Variants in OGN observed in about 807,000 individuals in gnomAD.
OGN encodes the protein osteoglycin.
Under a neutral mutation model 30.8 loss-of-function variants are expected in OGN, and 19 were observed. The observed-to-expected ratio is 0.62, with a 90% CI of 0.43 to 0.90. The LOEUF is 0.90. Ranked by LOEUF, OGN falls within the 40% of genes least tolerant of loss-of-function variation. The pLI is 0.00. For synonymous variants in OGN, 126 were observed against 128.3 expected (o/e 0.98, Z 0.12); for missense variants, 283 against 349.7 (o/e 0.81, Z 1.52).
rs1842392251 is a variant in OGN, at chr9:92,385,738, G to A, written c.779C>T (p.Thr260Ile). 6.2e-7 allele frequency: 1 copy of A among 1,614,062 alleles called. No individual in the cohort carries two copies. Among genetic ancestry groups the A allele is most frequent in the Non-Finnish European group, 8.5e-7 (1 of 1,179,962 alleles). The change falls in exon 7 of 7, where the codon ACC (threonine) becomes ATC (isoleucine). Residue 260 changes from threonine to isoleucine, a missense_variant. Transcript: ENST00000375561. Reference protein sequence around the residue: ...TDDTFCKANDTSYIRDRIEEI... With the variant: ...TDDTFCKANDISYIRDRIEEI... ...TTCAATGCGGTCCCGGATGTAACTG[G>A]TGTCATTAGCCTTGCAGAATGTGTC...
At chr9:92,394,731 A>G (rs1842825538) in intron 3 of OGN, among the ~76,000 whole-genome samples, 1 of 151,186 alleles carries the variant, frequency 6.6e-6, no homozygotes, top group Admixed American at 6.6e-5. Flanking sequence ...CAGCCTCCCA[A>G]GTATCCGGGA....
chr9:92,397,721 G>C (rs1192195288), intron 3 of OGN, among the ~76,000 whole-genome samples: 3 of 152,168 alleles, frequency 2.0e-5, no homozygotes, highest in African/African-American at 7.2e-5. Context: ...TTGCTTCTAG[G>C]CTCTTTCAGC....
intron 5 of OGN, among the ~76,000 whole-genome samples, chr9:92,388,465 T>G (rs1372433058): frequency 6.6e-6 from 1 of 151,886 alleles, no homozygotes; most frequent in Admixed American, 6.6e-5. Flanking sequence ...CCTGTCCTGA[T>G]CAACTTTTAT....
rs777349630 is a variant in OGN, at chr9:92,393,085, C to T, written c.427+1G>A. On this transcript the variant is annotated splice_donor_variant, in intron 4 of 6. Coordinates refer to ENST00000375561, the MANE Select transcript of OGN (RefSeq NM_014057.5). LOFTEE classifies it high-confidence loss of function. ...TAATATCATATTTCAGCTTAACTTACGTATGTCTGCAAAATCTTTGGCAGT... is the reference window on the plus strand; with the variant it reads ...TAATATCATATTTCAGCTTAACTTATGTATGTCTGCAAAATCTTTGGCAGT... 4 of 1,611,936 alleles carry T rather than the reference C, an allele frequency of 2.5e-6. No homozygotes were observed. Among genetic ancestry groups the T allele is most frequent in the South Asian group, 1.1e-5 (1 of 90,586 alleles).
At chr9:92,389,833 G>C in intron 5 of OGN, 21 bp downstream of exon 5, 1 of 1,523,282 alleles carries the variant, frequency 6.6e-7, no homozygotes, top group Non-Finnish European at 9.1e-7. Context: ...ACTATGCTTA[G>C]TTTTACTATA....
In OGN at chr9:92,400,629, A is replaced by G. The variant is rs147678135; in HGVS notation, c.268+463T>C. On this transcript the variant is annotated intron_variant, in intron 3 of 6. Coordinates refer to ENST00000375561, the MANE Select transcript of OGN (RefSeq NM_014057.5). ...GATAGAGTAAGAGTAAGCCAAGTAC[A>G]CAGGAATTATTAAGTAGGACTTGTA... Among the ~76,000 whole-genome samples, 4 of 152,366 alleles carry G rather than the reference A, an allele frequency of 2.6e-5. No individual in the cohort carries two copies. In the East Asian group the frequency reaches 7.7e-4, roughly 29 times the overall value.
At chr9:92,396,127 TC>T (rs1162409907) in intron 3 of OGN, among the ~76,000 whole-genome samples, 1 of 152,194 alleles carries the variant, frequency 6.6e-6, no homozygotes, top group East Asian at 1.9e-4. Context: ...GATTATTCTT[TC>T]CCCATTGAAT....
rs769450525 is a variant in OGN, at chr9:92,403,304, G to T, written c.104C>A (p.Thr35Lys). The change falls in exon 2 of 7, where the codon ACA (threonine) becomes AAA (lysine). Residue 35 changes from threonine to lysine, a missense_variant. Transcript: ENST00000375561. ...AAATATGGATTCTTCAAAATTATCT[G>T]TTCCATAATCATAGATAATGCGTGA... is the stretch of plus-strand genomic sequence containing the variant. ...QDSRIIYDYG[T>K]DNFEESIFSQ... The T allele has an allele frequency of 6.2e-7, 1 of 1,611,716 alleles. No individual in the cohort carries two copies.
chr9:92,402,573 T>C (rs1362533845), intron 2 of OGN, among the ~76,000 whole-genome samples: 2 of 152,184 alleles, frequency 1.3e-5, no homozygotes, highest in East Asian at 1.9e-4. Flanking sequence ...AAGTAATTAG[T>C]TTGCCCATAA....
rs781435656 is a variant in OGN at position 92,387,209 on chromosome 9, C to T, written c.631-913G>A. ...CCAACATGGTGAAACCCCATTTCTA[C>T]TAAAAATACAAAAATTAACTGGTGT... On this transcript the variant is annotated intron_variant, in intron 5 of 6. Transcript: ENST00000375561. Among the ~76,000 whole-genome samples, 46 of 151,794 alleles carry T rather than the reference C, an allele frequency of 3.0e-4. 1 individual carries two copies. The highest frequency in any genetic ancestry group is 5.9e-4 in the Non-Finnish European group (40 of 67,958).
At chr9:92,396,830 A>G (rs1227371687) in intron 3 of OGN, among the ~76,000 whole-genome samples, 3 of 152,102 alleles carry the variant, frequency 2.0e-5, no homozygotes, top group Non-Finnish European at 4.4e-5. Context: ...CGGCCTTCCC[A>G]TAAACATCTT....
intron 3 of OGN, among the ~76,000 whole-genome samples, chr9:92,397,282 A>G (rs1374234773): frequency 3.3e-5 from 5 of 152,026 alleles, no homozygotes; most frequent in African/African-American, 7.2e-5. Context: ...TCCTGCCCCA[A>G]CCCTGAAATC....
In OGN at chr9:92,386,238, A is replaced by G. The variant is rs375734754; in HGVS notation, c.689T>C (p.Leu230Pro). ...LDHNALESVP[L>P]NLPESLRVIH... ...TACACGTAGACTTTCTGGTAAATTA[A>G]GAGGCACGGATTCCAGGGCATTATG... Residue 230 changes from leucine (L) to proline (P), a missense_variant, in exon 6 of 7, where the codon CTT (leucine) becomes CCT (proline). Leu to Pro is a moderately conservative substitution (Grantham distance 98). Coordinates refer to ENST00000375561, the MANE Select transcript of OGN (RefSeq NM_014057.5). The G allele has an allele frequency of 7.3e-5, 117 of 1,613,450 alleles. No homozygotes were observed. The highest frequency in any genetic ancestry group is 9.8e-5 in the Non-Finnish European group (116 of 1,179,552).
chr9:92,389,848 A>G lies in OGN; in HGVS notation c.630+6T>C. On this transcript the variant is annotated splice_donor_region_variant and intron_variant, in intron 5 of 6. Transcript: ENST00000375561. ...ACTATGCTTAGTTTTACTATAAAAT[A>G]CTTACTTTGAATGCATTTGCTTTGA... is the stretch of plus-strand genomic sequence containing the variant. 1 of 1,578,044 alleles carries G rather than the reference A, an allele frequency of 6.3e-7. No individual in the cohort carries two copies. Among genetic ancestry groups the G allele is most frequent in the Non-Finnish European group, 8.7e-7 (1 of 1,149,228 alleles).
At position 92,388,831 on chromosome 9, in the gene OGN, C is replaced by CA. The variant is rs533649013; in HGVS notation, c.630+1022dup. ...TGGGTGACAGAGCAAGACTCCATCTCAAAAAAAAAAAAAAAAAAGGTGTAT... is the reference window on the plus strand; with the variant it reads ...TGGGTGACAGAGCAAGACTCCATCTCAAAAAAAAAAAAAAAAAAAGGTGTAT... On this transcript the variant is annotated intron_variant, in intron 5 of 6. Coordinates refer to ENST00000375561, the MANE Select transcript of OGN (RefSeq NM_014057.5). Among the ~76,000 whole-genome samples the CA allele has an allele frequency of 9.3e-3, 772 of 83,364 alleles. 6 individuals are homozygous for CA. Among genetic ancestry groups the CA allele is most frequent in the East Asian group, 0.034 (84 of 2,468 alleles). The allele number at this position is 83,364 out of a possible 152,430, so 54.7% of individuals were successfully genotyped here.
chr9:92,391,241 C>CAA (rs770262906), intron 4 of OGN, among the ~76,000 whole-genome samples: 3 of 129,296 alleles, frequency 2.3e-5, no homozygotes, highest in Non-Finnish European at 3.4e-5. Context: ...CTAAAAATAC[C>CAA]AAAAAAAAAA....
intron 5 of OGN, 146 bp downstream of exon 5, chr9:92,389,708 G>A (rs1392023801): frequency 1.7e-6 from 1 of 588,212 alleles, no homozygotes; most frequent in African/African-American, 1.9e-5. Flanking sequence ...CTAATAGGAT[G>A]GTTATTTATT....
At position 92,385,548 on chromosome 9, in the gene OGN, G is replaced by T; in HGVS notation, c.*72C>A. On this transcript the variant is annotated 3_prime_UTR_variant, in exon 7 of 7. Coordinates refer to ENST00000375561, the MANE Select transcript of OGN (RefSeq NM_014057.5). Reference sequence around the variant, plus strand: ...AGGTTAATATTAAACCAATACTTAAGTTCCTTTACTCATTGTTGAGACAGA... The same window carrying T: ...AGGTTAATATTAAACCAATACTTAATTTCCTTTACTCATTGTTGAGACAGA... The T allele has an allele frequency of 7.7e-7, 1 of 1,306,130 alleles. No homozygotes were observed. The highest frequency in any genetic ancestry group is 1.1e-6 in the Non-Finnish European group (1 of 927,236). The allele number at this position is 1,306,130 out of a possible 1,614,324, so 80.9% of individuals were successfully genotyped here.
Position 92,383,276 on chromosome 9 carries a change from T to C in OGN, c.*2344A>G, listed in dbSNP as rs1263518844. ...TGAGTCTTCTATCTTTATTCTTATT[T>C]TCAAGATTCTTCTCTTTATTTGGGG... On this transcript the variant is annotated 3_prime_UTR_variant, in exon 7 of 7. Coordinates refer to ENST00000375561, the MANE Select transcript of OGN (RefSeq NM_014057.5). Among the ~76,000 whole-genome samples the C allele has an allele frequency of 6.6e-6, 1 of 152,158 alleles. No homozygotes were observed. Among genetic ancestry groups the C allele is most frequent in the Non-Finnish European group, 1.5e-5 (1 of 68,032 alleles).
Sources: allele counts gnomAD v4.1 joint callset (sites outside exome capture counted in the v4.1 genomes callset), GRCh38; gene constraint gnomAD v4.1.1; transcripts MANE v1.5; gene names NCBI Gene and HGNC (gene_info 2026-07-23, HGNC 2026-07-21).